Variants in ERC2 observed in about 807,000 individuals in gnomAD.
ERC2 encodes ELKS/RAB6-interacting/CAST family member 2, also known as ERC protein 2.
In ERC2, 42 loss-of-function variants were observed where a neutral mutation model predicts 114.8. The observed-to-expected ratio is 0.37, with a 90% CI of 0.29 to 0.47. ERC2 has a LOEUF of 0.47. Among genes scored for constraint, ERC2 ranks in the 20% least tolerant of loss-of-function variants. The pLI is 0.99. For synonymous variants in ERC2, 454 were observed against 425.5 expected (o/e 1.07, Z -0.82); for missense variants, 939 against 1,150.7 (o/e 0.82, Z 2.66).
chr3:55,955,726 T>A (rs1044039056), intron 12 of ERC2, among the ~76,000 whole-genome samples: 6 of 152,236 alleles, frequency 3.9e-5, no homozygotes, highest in Non-Finnish European at 7.3e-5. Context: ...TTTTTGTGGA[T>A]ATATGCATTC....
intron 17 of ERC2, among the ~76,000 whole-genome samples, chr3:55,522,010 A>G (rs1321175595): frequency 6.6e-6 from 1 of 152,250 alleles, no homozygotes; most frequent in Non-Finnish European, 1.5e-5. Context: ...CCATAAACAC[A>G]GTCATCATTG....
At chr3:56,408,654 A>G (rs1281813453) in intron 2 of ERC2, among the ~76,000 whole-genome samples, 5 of 152,222 alleles carry the variant, frequency 3.3e-5, no homozygotes, top group Non-Finnish European at 5.9e-5. Flanking sequence ...TTACTTATCT[A>G]TTATTAGACA....
intron 1 of ERC2, among the ~76,000 whole-genome samples, chr3:56,460,588 A>C (rs2063266466): frequency 6.6e-6 from 1 of 152,184 alleles, no homozygotes; most frequent in South Asian, 2.1e-4. Flanking sequence ...CCACATAGTA[A>C]ATGCTCAATA....
At chr3:55,927,331 T>C (rs776275820) in intron 13 of ERC2, among the ~76,000 whole-genome samples, 1 of 152,218 alleles carries the variant, frequency 6.6e-6, no homozygotes, top group East Asian at 1.9e-4. Context: ...AATTAAGCCT[T>C]GTCCCACTCA....
intron 17 of ERC2, among the ~76,000 whole-genome samples, chr3:55,532,634 CAG>C (rs1490078054): frequency 6.6e-6 from 1 of 152,164 alleles, no homozygotes. Context: ...GATGAGAACA[CAG>C]AGGACTGAAC....
chr3:55,822,447 T>G (rs1575717663), intron 14 of ERC2, among the ~76,000 whole-genome samples: 2 of 152,212 alleles, frequency 1.3e-5, no homozygotes, highest in Non-Finnish European at 2.9e-5. Flanking sequence ...TGTACAGCAA[T>G]GAAAGTAGGG....
chr3:55,931,879 C>A (rs2066114953), intron 13 of ERC2, among the ~76,000 whole-genome samples: 1 of 152,144 alleles, frequency 6.6e-6, no homozygotes, highest in Non-Finnish European at 1.5e-5. Flanking sequence ...TTATAAAAAT[C>A]ATTTGCTGTG....
At chr3:55,514,127 T>C (rs1240737082) in intron 17 of ERC2, among the ~76,000 whole-genome samples, 3 of 152,168 alleles carry the variant, frequency 2.0e-5, no homozygotes, top group Non-Finnish European at 4.4e-5. Flanking sequence ...CTAAGCGAGG[T>C]GGCACATGCC....
At chr3:55,963,477 C>T (rs149525076) in intron 12 of ERC2, among the ~76,000 whole-genome samples, 21 of 152,260 alleles carry the variant, frequency 1.4e-4, no homozygotes, top group African/African-American at 3.4e-4. Flanking sequence ...TACTAGGTAA[C>T]GGGTCTGAGG....
At chr3:56,033,022 A>AG (rs376606499) in intron 7 of ERC2, among the ~76,000 whole-genome samples, 2,116 of 74,038 alleles carry the variant, frequency 0.029, 27 homozygotes, top group Non-Finnish European at 0.033. Context: ...AAAGAAAGAA[A>AG]AAAGAAACAG....
chr3:55,968,685 C>T (rs1160414803), intron 12 of ERC2, among the ~76,000 whole-genome samples: 1 of 152,168 alleles, frequency 6.6e-6, no homozygotes, highest in Non-Finnish European at 1.5e-5. Flanking sequence ...TTTGATACTA[C>T]TGACTCTCCT....
intron 17 of ERC2, among the ~76,000 whole-genome samples, chr3:55,642,772 C>T (rs1201852186): frequency 6.6e-6 from 1 of 152,058 alleles, no homozygotes; most frequent in African/African-American, 2.4e-5. Flanking sequence ...GAGGAGTTTG[C>T]TTGTTAAATT....
At chr3:55,703,495 CT>C (rs1189338412) in intron 15 of ERC2, among the ~76,000 whole-genome samples, 16 of 152,256 alleles carry the variant, frequency 1.1e-4, no homozygotes, top group African/African-American at 3.9e-4. Flanking sequence ...AGCCACCCCC[CT>C]GGGTCTCTGC....
chr3:55,701,302 C>T (rs1383128310), intron 15 of ERC2, among the ~76,000 whole-genome samples: 1 of 149,318 alleles, frequency 6.7e-6, no homozygotes, highest in Non-Finnish European at 1.5e-5. Flanking sequence ...TCTTTCTTGA[C>T]ATAGAACATG....
intron 12 of ERC2, among the ~76,000 whole-genome samples, chr3:55,961,344 C>T (rs1026630034): frequency 6.6e-6 from 1 of 152,048 alleles, no homozygotes; most frequent in Admixed American, 6.6e-5. Context: ...ACTGATAACT[C>T]ATATTTATTT....
chr3:56,042,348 G>A (rs2075239015), intron 7 of ERC2, among the ~76,000 whole-genome samples: 1 of 152,192 alleles, frequency 6.6e-6, no homozygotes, highest in African/African-American at 2.4e-5. Context: ...CAAACACAAA[G>A]CGAAGAAGAG....
intron 15 of ERC2, among the ~76,000 whole-genome samples, chr3:55,733,470 A>T (rs992089283): frequency 1.5e-4 from 22 of 146,494 alleles, no homozygotes; most frequent in South Asian, 4.4e-4. Context: ...TCTCTCACAC[A>T]CACACACACA....
At chr3:55,630,360 G>A (rs572834229) in intron 17 of ERC2, among the ~76,000 whole-genome samples, 4 of 152,190 alleles carry the variant, frequency 2.6e-5, no homozygotes, top group African/African-American at 9.6e-5. Context: ...GTAGAGACGG[G>A]GTTTCTCCAT....
intron 2 of ERC2, among the ~76,000 whole-genome samples, chr3:56,391,055 C>T (rs372319505): frequency 2.0e-5 from 3 of 152,182 alleles, no homozygotes; most frequent in East Asian, 1.9e-4. Flanking sequence ...CTCTTGCACT[C>T]ATCTCAAAGG....
Sources: allele counts gnomAD v4.1 joint callset (sites outside exome capture counted in the v4.1 genomes callset), GRCh38; gene constraint gnomAD v4.1.1; transcripts MANE v1.5; gene names NCBI Gene and HGNC (gene_info 2026-07-23, HGNC 2026-07-21).